The following SULT1C3 variants were observed in gnomAD, a reference collection of about 807,000 sequenced individuals.
SULT1C3 encodes the protein sulfotransferase family 1C member 3.
In SULT1C3, 31 loss-of-function variants were observed where a neutral mutation model predicts 28.4. The observed-to-expected ratio is 1.09, with a 90% CI of 0.82 to 1.47. SULT1C3 has a LOEUF of 1.47. Ranked by LOEUF, SULT1C3 falls within the 40% of genes most tolerant of loss-of-function variation. The probability of loss-of-function intolerance (pLI) is 0.00; values close to 1 mark genes in which losing one functional copy is unlikely to be tolerated. For synonymous variants in SULT1C3, 106 were observed against 92.2 expected (o/e 1.15, Z -0.86); for missense variants, 307 against 272.5 (o/e 1.13, Z -0.89).
intron 5 of SULT1C3, among the ~76,000 whole-genome samples, chr2:108,257,028 G>GT (rs1409307912): frequency 8.6e-5 from 13 of 151,892 alleles, no homozygotes; most frequent in Non-Finnish European, 1.9e-4. Context: ...TTTTGTTACT[G>GT]TTTTTTTGTG....
At chr2:108,260,327 G>GCACCT (rs1675989782) in intron 7 of SULT1C3, among the ~76,000 whole-genome samples, 1 of 152,082 alleles carries the variant, frequency 6.6e-6, no homozygotes, top group Non-Finnish European at 1.5e-5. Flanking sequence ...GCACAGTGGG[G>GCACCT]CACCTCAGTG....
chr2:108,251,279 A>G (rs941366457), intron 2 of SULT1C3, among the ~76,000 whole-genome samples: 13 of 152,184 alleles, frequency 8.5e-5, no homozygotes, highest in Admixed American at 3.3e-4. Context: ...GAAACCCACA[A>G]TAAAAATTAG....
At chr2:108,264,913 C>T (rs1676099754), downstream of SULT1C3, 3 of 1,613,918 alleles carry the variant, frequency 1.9e-6, no homozygotes, top group Middle Eastern at 3.3e-4. Flanking sequence ...TATCACACCT[C>T]CTTTGATGTA....
At chr2:108,243,982 GGCCA>G (rs1675526003) in intron 1 of SULT1C3, among the ~76,000 whole-genome samples, 1 of 152,150 alleles carries the variant, frequency 6.6e-6, no homozygotes, top group Non-Finnish European at 1.5e-5. Context: ...GGAGGCCTGT[GGCCA>G]AGTTTGTTAC....
At chr2:108,246,660 C>T (rs1009678552) in intron 1 of SULT1C3, among the ~76,000 whole-genome samples, 1 of 152,070 alleles carries the variant, frequency 6.6e-6, no homozygotes, top group African/African-American at 2.4e-5. Context: ...AAAAAAACTA[C>T]ATGAAATTAT....
chr2:108,263,234 A>G (rs997195982), downstream of SULT1C3, among the ~76,000 whole-genome samples: 2 of 152,146 alleles, frequency 1.3e-5, no homozygotes, highest in Non-Finnish European at 2.9e-5. Context: ...CTAACTGGGT[A>G]CTGTTAAGAA....
At chr2:108,262,123 A>T (rs1205007407), downstream of SULT1C3, among the ~76,000 whole-genome samples, 1 of 152,148 alleles carries the variant, frequency 6.6e-6, no homozygotes, top group Non-Finnish European at 1.5e-5. Flanking sequence ...GATTTCCTCT[A>T]GTATTCCCTA....
chr2:108,242,268 A>T (rs1675478460), intron 1 of SULT1C3, among the ~76,000 whole-genome samples: 1 of 152,248 alleles, frequency 6.6e-6, no homozygotes, highest in Non-Finnish European at 1.5e-5. Context: ...AAGCCAATCA[A>T]TTAGAGCTCT....
chr2:108,260,007 A>G (rs1675981489), intron 7 of SULT1C3, among the ~76,000 whole-genome samples: 1 of 152,138 alleles, frequency 6.6e-6, no homozygotes, highest in Non-Finnish European at 1.5e-5. Flanking sequence ...AGGGTAGGAA[A>G]CCAGTAGAAA....
rs1675758877 is a variant in SULT1C3 at position 108,252,557 on chromosome 2, T to C, written c.301+64T>C. 1.9e-6 allele frequency: 3 copies of C among 1,574,834 alleles called. No individual in the cohort carries two copies. The Admixed American group carries it at 5.4e-5, about 28-fold the overall frequency. ...CAGGATTCCAGAGCAATGTGTACTG[T>C]CTCTGATAGAGCATCCGTGGTAGCC... is the stretch of plus-strand genomic sequence containing the variant. On this transcript the variant is annotated intron_variant, in intron 3 of 7. Transcript: ENST00000681802.
At chr2:108,259,925 A>G (rs1253495708) in intron 7 of SULT1C3, among the ~76,000 whole-genome samples, 1 of 152,132 alleles carries the variant, frequency 6.6e-6, no homozygotes, top group Non-Finnish European at 1.5e-5. Context: ...GAACATTCCA[A>G]TTAACTAGTT....
At chr2:108,247,061 T>G (rs1675599413) in intron 1 of SULT1C3, 127 bp from the exon 2 acceptor site, 1 of 598,658 alleles carries the variant, frequency 1.7e-6, no homozygotes, top group Non-Finnish European at 2.5e-6. Flanking sequence ...GTTGTTAGCA[T>G]GTTATATGTT....
intron 7 of SULT1C3, among the ~76,000 whole-genome samples, chr2:108,260,164 T>C (rs1675986067): frequency 6.6e-6 from 1 of 152,136 alleles, no homozygotes; most frequent in Non-Finnish European, 1.5e-5. Context: ...AGTAATATCT[T>C]CTACAATGAG....
chr2:108,263,115 T>G (rs150583114), downstream of SULT1C3, among the ~76,000 whole-genome samples: 163 of 152,320 alleles, frequency 1.1e-3, 1 homozygote, highest in African/African-American at 3.8e-3. Context: ...ACCCTTATCT[T>G]GTCTCCTGTT....
intron 3 of SULT1C3, among the ~76,000 whole-genome samples, chr2:108,253,112 A>G (rs1158764331): frequency 6.6e-6 from 1 of 152,138 alleles, no homozygotes; most frequent in Non-Finnish European, 1.5e-5. Flanking sequence ...TCGAGGGTGA[A>G]AAAGAGCTTT....
At position 108,246,408 on chromosome 2, in the gene SULT1C3, T is replaced by C. The variant is rs142259339; in HGVS notation, c.-7-780T>C. ...TTTAACAGACTTAAAGTTCCACGTA[T>C]CTGGGGAAGCCTCACAGTCATGGTG... On this transcript the variant is annotated intron_variant, in intron 1 of 7. Transcript: ENST00000681802. 5.3e-5 allele frequency among the ~76,000 whole-genome samples: 8 copies of C among 152,250 alleles called. No homozygotes were observed. The East Asian group carries it at 1.5e-3, about 29-fold the overall frequency.
intron 2 of SULT1C3, among the ~76,000 whole-genome samples, chr2:108,252,113 A>G (rs926936947): frequency 2.6e-5 from 4 of 151,814 alleles, no homozygotes; most frequent in African/African-American, 9.7e-5. Flanking sequence ...ATACATAGAT[A>G]GATACATAGA....
intron 5 of SULT1C3, among the ~76,000 whole-genome samples, chr2:108,256,414 A>G (rs1235914434): frequency 6.6e-6 from 1 of 152,128 alleles, no homozygotes; most frequent in African/African-American, 2.4e-5. Context: ...CCATCTTTAC[A>G]TATTTGTATG....
At chr2:108,257,058 A>G (rs1340069079) in intron 5 of SULT1C3, among the ~76,000 whole-genome samples, 2 of 152,008 alleles carry the variant, frequency 1.3e-5, no homozygotes, top group African/African-American at 4.8e-5. Flanking sequence ...CTGGATTGTG[A>G]CACCTACATA....
Sources: gnomAD v4.1 joint callset for allele counts (sites outside exome capture counted in the v4.1 genomes callset) on GRCh38, gnomAD v4.1.1 for gene constraint, MANE v1.5 for transcripts, NCBI Gene and HGNC (gene_info 2026-07-23, HGNC 2026-07-21) for gene names.